Variants in BIN1 observed in about 807,000 individuals in gnomAD.
BIN1 encodes bridging integrator 1.
A neutral mutation model predicts 82.0 loss-of-function variants in BIN1; 53 were observed. The ratio of observed to expected loss-of-function variants is 0.65; its 90% CI spans 0.52 to 0.81. The LOEUF (loss-of-function observed/expected upper bound fraction) is 0.81. BIN1 is among the 40% of genes least tolerant of loss of function. The pLI is 0.00. For synonymous variants in BIN1, 302 were observed against 328.0 expected (o/e 0.92, Z 0.86); for missense variants, 642 against 784.4 (o/e 0.82, Z 2.17).
In BIN1 at chr2:127,069,014, C is replaced by T. The variant is rs1685517244; in HGVS notation, c.429G>A (p.Arg143=). The change falls in exon 6 of 19, where the codon CGG becomes CGA. Residue 143 remains arginine (R), a synonymous_variant. Coordinates refer to ENST00000316724, the MANE Select transcript of BIN1 (RefSeq NM_139343.3). ...TGTCGTAGTCCACCAGCTTGCGCCC[C>T]CGCTTGGCAATGCGTGACTGGGGCA... ...FPDIKSRIAK[R]GRKLVDYDSA... is the part of the protein sequence containing the mutation. The T allele has an allele frequency of 6.2e-7, 1 of 1,614,026 alleles. No homozygotes were observed. The highest frequency in any genetic ancestry group is 1.7e-5 in the Admixed American group (1 of 60,004).
chr2:127,060,692 G>A (rs1432830528), intron 10 of BIN1: 1 of 1,603,874 alleles, frequency 6.2e-7, no homozygotes, highest in South Asian at 1.1e-5. Flanking sequence ...AAGGCCAGGT[G>A]CAGAACTGGC....
intron 14 of BIN1, chr2:127,053,089 A>G: frequency 2.3e-6 from 1 of 437,430 alleles, no homozygotes; most frequent in South Asian, 2.2e-5. Context: ...CCACACCCTG[A>G]GGACACTCGT....
At position 127,057,687 on chromosome 2, in the gene BIN1, G is replaced by C. The variant is rs1683885771; in HGVS notation, c.1003-86C>G. 1 of 1,418,768 alleles carries C rather than the reference G, an allele frequency of 7.0e-7. No individual in the cohort carries two copies. Among genetic ancestry groups the C allele is most frequent in the South Asian group, 1.5e-5 (1 of 65,326 alleles). 87.9% of individuals were successfully genotyped at this position (1,418,768 alleles called of 1,614,324 possible). Reference sequence around the variant, plus strand: ...GGGAGACAGACAGAGACAAAGCCACGGTTAGTCACACCTCAGGCCACAGTC... The same window carrying C: ...GGGAGACAGACAGAGACAAAGCCACCGTTAGTCACACCTCAGGCCACAGTC... On this transcript the variant is annotated intron_variant, in intron 11 of 18. Transcript: ENST00000316724. This position sits in a 1 kb window ranked among gnomAD's most constrained non-coding sequence, Gnocchi z 5.0.
intron 1 of BIN1, among the ~76,000 whole-genome samples, chr2:127,084,795 G>A (rs1366558710): frequency 1.3e-5 from 2 of 152,168 alleles, no homozygotes; most frequent in Non-Finnish European, 2.9e-5. Flanking sequence ...CCTAGCAGCT[G>A]CCCTCTGAGC....
At position 127,067,682 on chromosome 2, in the gene BIN1, C is replaced by A. The variant is rs1218217483; in HGVS notation, c.612+481G>T. ...TTCAGTCAGGAGAGCCCCAACCCTGCCCCTAACCGGCTCTGGGGCCCTGGG... is the reference window on the plus strand; with the variant it reads ...TTCAGTCAGGAGAGCCCCAACCCTGACCCTAACCGGCTCTGGGGCCCTGGG... On this transcript the variant is annotated intron_variant, in intron 7 of 18. Coordinates refer to ENST00000316724, the MANE Select transcript of BIN1 (RefSeq NM_139343.3). The surrounding 1 kb of genome is among the most constrained non-coding windows in gnomAD (Gnocchi z 4.7). Among the ~76,000 whole-genome samples, 1 of 152,218 alleles carries A rather than the reference C, an allele frequency of 6.6e-6. No individual in the cohort carries two copies. Among genetic ancestry groups the A allele is most frequent in the Non-Finnish European group, 1.5e-5 (1 of 68,042 alleles).
intron 1 of BIN1, among the ~76,000 whole-genome samples, chr2:127,094,759 C>A (rs1464217334): frequency 6.6e-6 from 1 of 152,230 alleles, no homozygotes; most frequent in Non-Finnish European, 1.5e-5. Context: ...TCAGCTCCCC[C>A]CGCCCAGCCC....
At chr2:127,050,399 G>A (rs370637665) in intron 18 of BIN1, 22 bp downstream of exon 18, 11 of 1,613,210 alleles carry the variant, frequency 6.8e-6, no homozygotes, top group Non-Finnish European at 9.3e-6. Flanking sequence ...CCTGCGCTCT[G>A]GCGGCCCCAC....
chr2:127,080,596 G>C (rs1355760375), intron 1 of BIN1, among the ~76,000 whole-genome samples: 40 of 152,216 alleles, frequency 2.6e-4, no homozygotes, highest in Non-Finnish European at 7.3e-5. Context: ...CGGCGGACGA[G>C]ACACACAGAG....
chr2:127,051,170 G>C lies in BIN1; in HGVS notation c.1445C>G (p.Ala482Gly), dbSNP rs372650268. 3.1e-6 allele frequency: 5 copies of C among 1,613,532 alleles called. No homozygotes were observed. The highest frequency in any genetic ancestry group is 4.2e-6 in the Non-Finnish European group (5 of 1,179,928). The change falls in exon 16 of 19, where the codon GCA becomes GGA. Residue 482 changes from alanine (A) to glycine (G), a missense_variant. Coordinates refer to ENST00000316724, the MANE Select transcript of BIN1 (RefSeq NM_139343.3). Reference protein sequence around the residue: ...AGAQEPGETAASEAASSSLPA... With the variant: ...AGAQEPGETAGSEAASSSLPA... ...CTGTCTTACGGAGGCTGCTTCACTT[G>C]CCGCCGTCTCCCCTGGCTCCTGGGC... is the stretch of plus-strand genomic sequence containing the variant.
intron 18 of BIN1, among the ~76,000 whole-genome samples, chr2:127,049,535 G>A (rs1015997975): frequency 6.6e-6 from 1 of 152,164 alleles, no homozygotes; most frequent in South Asian, 2.1e-4. Flanking sequence ...ACCCTCAGCC[G>A]CTCTGATAAC....
intron 8 of BIN1, 71 bp downstream of exon 8, chr2:127,063,862 C>T (rs528237753): frequency 4.2e-5 from 67 of 1,586,140 alleles, no homozygotes; most frequent in African/African-American, 9.4e-5. Flanking sequence ...CACCACAGCA[C>T]GCAGACTGGG....
chr2:127,090,912 C>T lies in BIN1; in HGVS notation c.85-14206G>A, dbSNP rs925379156. On this transcript the variant is annotated intron_variant, in intron 1 of 18. Coordinates refer to ENST00000316724, the MANE Select transcript of BIN1 (RefSeq NM_139343.3). This position sits in a 1 kb window ranked among gnomAD's most constrained non-coding sequence, Gnocchi z 6.4. ...ATCACCTCCTCCAGGCAGCCTTCCC[C>T]GACTCCACTCCAGGCACAGGAGCTG... 1.4e-4 allele frequency among the ~76,000 whole-genome samples: 21 copies of T among 152,182 alleles called. No homozygotes were observed. Among genetic ancestry groups the T allele is most frequent in the African/African-American group, 3.1e-4 (13 of 41,436 alleles).
chr2:127,050,772 G>T (rs1217480378), intron 17 of BIN1, 30 bp downstream of exon 17: 2 of 1,605,024 alleles, frequency 1.2e-6, no homozygotes, highest in East Asian at 4.5e-5. Context: ...GGCACCGAGG[G>T]ACTGCAGCAG....
intron 5 of BIN1, 138 bp downstream of exon 5, chr2:127,069,857 G>T: frequency 1.2e-6 from 1 of 827,656 alleles, no homozygotes; most frequent in South Asian, 1.6e-5. Flanking sequence ...AGCAACCCCG[G>T]AGGGGTGAAA....
chr2:127,053,790 G>A (rs113666720), intron 13 of BIN1, 115 bp downstream of exon 13: 10 of 1,026,912 alleles, frequency 9.7e-6, no homozygotes, highest in African/African-American at 7.9e-5. Context: ...TGAGGTGCCA[G>A]GGGAAGGGCA....
chr2:127,083,600 C>T (rs975085560), intron 1 of BIN1, among the ~76,000 whole-genome samples: 4 of 152,234 alleles, frequency 2.6e-5, no homozygotes, highest in South Asian at 2.1e-4. Context: ...ATCTACCACA[C>T]GGTCCGCATT....
At chr2:127,060,582 C>T (rs758948293) in intron 10 of BIN1, 2 of 1,614,098 alleles carry the variant, frequency 1.2e-6, no homozygotes, top group Admixed American at 1.7e-5. Context: ...CTCCGCAGCA[C>T]TCACTGCCGG....
Position 127,075,431 on chromosome 2 carries a change from GA to G in BIN1, c.165+1194del, listed in dbSNP as rs1401607001. Among the ~76,000 whole-genome samples the G allele has an allele frequency of 2.6e-5, 4 of 152,160 alleles. No individual in the cohort carries two copies. The East Asian group carries it at 7.7e-4, about 29-fold the overall frequency. On this transcript the variant is annotated intron_variant, in intron 2 of 18. Transcript: ENST00000316724. ...TTCAAGCCTCTATTCTGCAGGTGAG[GA>G]AACTGAGGCCCAAGAAGCTCTGGGA...
intron 2 of BIN1, among the ~76,000 whole-genome samples, chr2:127,071,890 A>G (rs1685940847): frequency 6.6e-6 from 1 of 152,224 alleles, no homozygotes; most frequent in Non-Finnish European, 1.5e-5. Context: ...CAGGCCCTGG[A>G]GCTTGAAGGC....
Sources: gnomAD v4.1 joint callset for allele counts (sites outside exome capture counted in the v4.1 genomes callset) on GRCh38, gnomAD v4.1.1 for gene constraint, Gnocchi (gnomAD v3.1) non-coding constraint, MANE v1.5 for transcripts, NCBI Gene and HGNC (gene_info 2026-07-23, HGNC 2026-07-21) for gene names.